Variants in CCDC192 observed in about 807,000 individuals in gnomAD.
CCDC192 encodes the protein coiled-coil domain containing 192.
At chr5:127,917,639 G>C (rs1171475735) in intron 6 of CCDC192, among the ~76,000 whole-genome samples, 2 of 152,154 alleles carry the variant, frequency 1.3e-5, no homozygotes, top group Admixed American at 6.5e-5. Flanking sequence ...AAGTGGAGCA[G>C]TAAAAACCCA....
At chr5:127,836,266 G>A (rs1750030747) in intron 5 of CCDC192, among the ~76,000 whole-genome samples, 1 of 152,222 alleles carries the variant, frequency 6.6e-6, no homozygotes, top group Non-Finnish European at 1.5e-5. Context: ...TGATACAAGA[G>A]GTGGGCTCCC....
At chr5:127,887,675 A>G (rs1250981874) in intron 6 of CCDC192, among the ~76,000 whole-genome samples, 2 of 152,120 alleles carry the variant, frequency 1.3e-5, no homozygotes, top group Admixed American at 1.3e-4. Flanking sequence ...AATTATGTGT[A>G]ACATTAATTA....
intron 2 of CCDC192, among the ~76,000 whole-genome samples, chr5:127,719,494 T>C (rs181848309): frequency 0.058 from 5,207 of 90,536 alleles, 262 homozygotes; most frequent in African/African-American, 0.11. Flanking sequence ...TATATATATA[T>C]ACACACACAT....
At chr5:127,827,850 T>C (rs1749603663) in intron 5 of CCDC192, among the ~76,000 whole-genome samples, 1 of 152,220 alleles carries the variant, frequency 6.6e-6, no homozygotes, top group Non-Finnish European at 1.5e-5. Flanking sequence ...ATACCTCAAC[T>C]CTACCCATGT....
intron 2 of CCDC192, among the ~76,000 whole-genome samples, chr5:127,730,365 T>C (rs980451690): frequency 6.6e-6 from 1 of 152,232 alleles, no homozygotes; most frequent in East Asian, 1.9e-4. Flanking sequence ...AGTTCTGAAA[T>C]TGAGGCAGTA....
intron 2 of CCDC192, among the ~76,000 whole-genome samples, chr5:127,737,551 A>T (rs370258694): frequency 1.3e-5 from 2 of 151,212 alleles, no homozygotes; most frequent in African/African-American, 4.9e-5. Flanking sequence ...CCCATTATTA[A>T]TGTGTGGGAG....
intron 2 of CCDC192, among the ~76,000 whole-genome samples, chr5:127,723,879 A>G (rs1752161435): frequency 6.6e-6 from 1 of 152,220 alleles, no homozygotes; most frequent in Non-Finnish European, 1.5e-5. Flanking sequence ...CCAGGTCTTC[A>G]TGTCAATAGC....
chr5:127,854,829 G>C (rs1419894660), intron 5 of CCDC192, among the ~76,000 whole-genome samples: 1 of 152,086 alleles, frequency 6.6e-6, no homozygotes, highest in African/African-American at 2.4e-5. Context: ...CATTTATTAA[G>C]TGTACAAAAG....
intron 6 of CCDC192, among the ~76,000 whole-genome samples, chr5:127,939,446 A>T (rs1754305506): frequency 6.6e-6 from 1 of 152,144 alleles, no homozygotes; most frequent in Non-Finnish European, 1.5e-5. Flanking sequence ...TATTATTGTT[A>T]TAATATTAAA....
At position 127,872,355 on chromosome 5, in the gene CCDC192, C is replaced by A. The variant is rs965920548; in HGVS notation, c.412-3183C>A. ...CCTTGAATTCTAAGGGACGCACAGG[C>A]TTTGTTAACCTTCTTATCTAGCTTC... On this transcript the variant is annotated intron_variant, in intron 5 of 6. Coordinates refer to ENST00000514853, the MANE Select transcript of CCDC192 (RefSeq NM_001317938.2). Among the ~76,000 whole-genome samples the A allele has an allele frequency of 5.8e-4, 89 of 152,164 alleles. 2 individuals carry two copies. The highest frequency in any genetic ancestry group is 1.5e-5 in the Non-Finnish European group (1 of 68,022).
At chr5:127,712,629 A>G (rs897705405) in intron 2 of CCDC192, among the ~76,000 whole-genome samples, 8 of 152,226 alleles carry the variant, frequency 5.3e-5, no homozygotes, top group Non-Finnish European at 8.8e-5. Context: ...TTATAGCAAC[A>G]CACAACAGAC....
chr5:127,846,752 G>A (rs996730945), intron 5 of CCDC192, among the ~76,000 whole-genome samples: 13 of 147,198 alleles, frequency 8.8e-5, no homozygotes, highest in African/African-American at 2.7e-4. Context: ...TTACTGGCGT[G>A]AGCCACCGCG....
intron 3 of CCDC192, among the ~76,000 whole-genome samples, chr5:127,779,444 C>A (rs555919397): frequency 1.1e-4 from 17 of 151,956 alleles, no homozygotes; most frequent in Admixed American, 3.3e-4. Context: ...TACAGGTGCC[C>A]GCCACCACGC....
intron 2 of CCDC192, among the ~76,000 whole-genome samples, chr5:127,710,161 A>G (rs1290107302): frequency 6.6e-6 from 1 of 152,124 alleles, no homozygotes; most frequent in African/African-American, 2.4e-5. Flanking sequence ...AAAGAAATAC[A>G]TTTAGCTGGA....
chr5:127,810,650 T>C (rs1345790273), intron 5 of CCDC192, among the ~76,000 whole-genome samples: 1 of 152,132 alleles, frequency 6.6e-6, no homozygotes, highest in Non-Finnish European at 1.5e-5. Flanking sequence ...AGCCCAGCAC[T>C]CAATGGAAGC....
intron 3 of CCDC192, chr5:127,785,966 C>A: frequency 3.7e-6 from 2 of 540,752 alleles, no homozygotes; most frequent in South Asian, 2.0e-5. Context: ...ATTTTGGGGT[C>A]ATTTAAAGCA....
chr5:127,935,317 C>T (rs78457489), intron 6 of CCDC192: 1 of 152,176 alleles, frequency 6.6e-6, no homozygotes, highest in Non-Finnish European at 1.5e-5. Context: ...ATCTGGCTAG[C>T]AACAAGTATA....
intron 2 of CCDC192, among the ~76,000 whole-genome samples, chr5:127,753,694 A>T (rs1014539226): frequency 2.0e-5 from 3 of 151,956 alleles, no homozygotes; most frequent in Non-Finnish European, 2.9e-5. Context: ...CCTGGAAAAA[A>T]AAAAAAAAAA....
intron 5 of CCDC192, among the ~76,000 whole-genome samples, chr5:127,872,186 AT>A (rs1373248770): frequency 6.6e-6 from 1 of 152,260 alleles, no homozygotes; most frequent in Non-Finnish European, 1.5e-5. Context: ...ATGTTGAACT[AT>A]TTTTAAATGT....
Sources: allele counts gnomAD v4.1 joint callset (sites outside exome capture counted in the v4.1 genomes callset), GRCh38; gene constraint gnomAD v4.1.1; transcripts MANE v1.5; gene names NCBI Gene and HGNC (gene_info 2026-07-23, HGNC 2026-07-21).